WASF3: variants seen among roughly 807,000 people sequenced by gnomAD.
WASF3 encodes the protein WASP family member 3.
In WASF3, 11 loss-of-function variants were observed where a neutral mutation model predicts 46.6. The ratio of observed to expected loss-of-function variants is 0.24; its 90% CI spans 0.15 to 0.39. The LOEUF (loss-of-function observed/expected upper bound fraction) is 0.39, where lower values mean the gene tolerates loss of function less well. Ranked by LOEUF, WASF3 falls within the 10% of genes least tolerant of loss-of-function variation. The pLI is 1.00. For missense variants in WASF3, 576 were observed against 669.8 expected, an observed-to-expected ratio of 0.86 and a Z score of 1.55; for synonymous variants, 242 against 259.7, an observed-to-expected ratio of 0.93 and a Z score of 0.65.
At chr13:26,597,890 A>G (rs1255498430) in intron 1 of WASF3, among the ~76,000 whole-genome samples, 1 of 152,096 alleles carries the variant, frequency 6.6e-6, no homozygotes, top group Non-Finnish European at 1.5e-5. Flanking sequence ...CCTGGTTCCA[A>G]GTCTTTGCTA....
chr13:26,576,933 AG>A, intron 1 of WASF3: 1 of 771,854 alleles, frequency 1.3e-6, no homozygotes, highest in Non-Finnish European at 2.2e-6. Context: ...GCAAAAAGGG[AG>A]CCAAGAAGAA....
upstream of WASF3, among the ~76,000 whole-genome samples, chr13:26,553,073 T>C (rs976097522): frequency 6.6e-6 from 1 of 152,156 alleles, no homozygotes; most frequent in Non-Finnish European, 1.5e-5. Flanking sequence ...CATATTCTTA[T>C]TAGGAATATG....
chr13:26,676,465 C>A, intron 6 of WASF3, 84 bp from the exon 7 acceptor site: 1 of 1,451,956 alleles, frequency 6.9e-7, no homozygotes, highest in Admixed American at 2.0e-5. Flanking sequence ...CAGGCATGGG[C>A]CTTGTGCATT....
chr13:26,645,358 C>T (rs1250857380), intron 3 of WASF3, among the ~76,000 whole-genome samples: 1 of 152,136 alleles, frequency 6.6e-6, no homozygotes, highest in Admixed American at 6.5e-5. Context: ...TTCCCAGCCT[C>T]CAGAACTGTG....
chr13:26,623,480 C>G (rs774224292), intron 2 of WASF3, among the ~76,000 whole-genome samples: 4 of 152,180 alleles, frequency 2.6e-5, no homozygotes, highest in Non-Finnish European at 5.9e-5. Context: ...GCAAGATCCT[C>G]TGCTTCTGGG....
At chr13:26,625,703 C>T (rs1237415830) in intron 2 of WASF3, among the ~76,000 whole-genome samples, 2 of 152,140 alleles carry the variant, frequency 1.3e-5, no homozygotes, top group Non-Finnish European at 2.9e-5. Context: ...CACAGACTCA[C>T]CCAGAGATAA....
chr13:26,591,611 T>C (rs527805716), intron 1 of WASF3, among the ~76,000 whole-genome samples: 128 of 152,214 alleles, frequency 8.4e-4, no homozygotes, highest in African/African-American at 3.0e-3. Flanking sequence ...GAGTTCAATT[T>C]TGGGCATGTT....
At chr13:26,586,973 C>G (rs111827019) in intron 1 of WASF3, among the ~76,000 whole-genome samples, 1 of 151,452 alleles carries the variant, frequency 6.6e-6, no homozygotes, top group South Asian at 2.1e-4. Flanking sequence ...TGTGGTGGCA[C>G]ACACCTGTAG....
At chr13:26,618,759 GA>G (rs1881217737) in intron 2 of WASF3, 1 of 152,200 alleles carries the variant, frequency 6.6e-6, no homozygotes, top group Admixed American at 6.5e-5. Context: ...ATAAGAGATG[GA>G]AATGCTAGGG....
At position 26,676,641 on chromosome 13, in the gene WASF3, C is replaced by T. The variant is rs1317378186; in HGVS notation, c.633C>T (p.Asp211=). The T allele has an allele frequency of 3.7e-6, 6 of 1,614,026 alleles. No individual in the cohort carries two copies. Among genetic ancestry groups the T allele is most frequent in the Non-Finnish European group, 5.1e-6 (6 of 1,180,036 alleles). ...RRQEWNMMAY[D]KELRPDNRLS... is the part of the protein sequence containing the mutation. The stretch of plus-strand genomic sequence containing the variant: ...AGGAGTGGAATATGATGGCATATGA[C>T]AAAGAGCTTAGACCCGACAACAGGT... The change falls in exon 7 of 10, where the codon GAC becomes GAT. Residue 211 remains aspartate, a synonymous_variant. Coordinates refer to ENST00000335327, the MANE Select transcript of WASF3 (RefSeq NM_006646.6).
chr13:26,663,246 G>A (rs1349627818), intron 3 of WASF3, among the ~76,000 whole-genome samples: 1 of 152,198 alleles, frequency 6.6e-6, no homozygotes, highest in Non-Finnish European at 1.5e-5. Context: ...ATTTCAGCTT[G>A]TACAGGATTT....
chr13:26,631,989 A>T (rs918307349), intron 2 of WASF3, among the ~76,000 whole-genome samples: 2 of 152,198 alleles, frequency 1.3e-5, no homozygotes, highest in African/African-American at 4.8e-5. Context: ...TTATTGGTGT[A>T]TAGGAATGCT....
chr13:26,684,262 T>C (rs1166338877), intron 9 of WASF3, among the ~76,000 whole-genome samples: 1 of 151,888 alleles, frequency 6.6e-6, no homozygotes, highest in African/African-American at 2.4e-5. Context: ...TGTAGGACGG[T>C]GTTGGATTTG....
In WASF3 at chr13:26,688,903, A is replaced by C. The variant is rs1370895279; in HGVS notation, c.*3058A>C. The C allele has an allele frequency of 6.6e-6, 1 of 152,224 alleles. No individual in the cohort carries two copies. The highest frequency in any genetic ancestry group is 1.5e-5 in the Non-Finnish European group (1 of 68,040). The allele number at this position is 152,224 out of a possible 1,614,324, so 9.4% of individuals were successfully genotyped here. On this transcript the variant is annotated 3_prime_UTR_variant, in exon 10 of 10. Transcript: ENST00000335327. ...TATAGATTATGTACAAGTAACATCT[A>C]AATAAAATTACACTTTTAACCCTAA... is the stretch of plus-strand genomic sequence containing the variant.
chr13:26,553,296 G>C (rs996522733), upstream of WASF3, among the ~76,000 whole-genome samples: 1 of 152,066 alleles, frequency 6.6e-6, no homozygotes, highest in East Asian at 1.9e-4. Flanking sequence ...TACCAGCATC[G>C]TATACCAGGT....
chr13:26,633,925 T>C (rs1430837979), intron 2 of WASF3, among the ~76,000 whole-genome samples: 4 of 152,228 alleles, frequency 2.6e-5, no homozygotes, highest in African/African-American at 9.6e-5. Context: ...TGGTCACTTT[T>C]AGAATAAGTG....
Position 26,685,815 on chromosome 13 carries a change from A to C in WASF3, c.1479A>C (p.Ser493=). 1.2e-6 allele frequency: 2 copies of C among 1,613,996 alleles called. No individual in the cohort carries two copies. Among genetic ancestry groups the C allele is most frequent in the Non-Finnish European group, 1.7e-6 (2 of 1,179,830 alleles). Residue 493 remains serine, a synonymous_variant, in exon 10 of 10, where the codon TCA becomes TCC. Coordinates refer to ENST00000335327, the MANE Select transcript of WASF3 (RefSeq NM_006646.6). ...AGTACAGCGACTCTGACGACGACTC[A>C]GAGTTCGACGAGAACGACTGGTCCG... ...AVEYSDSDDD[S]EFDENDWSD
At chr13:26,557,171 T>A (rs559231049), upstream of WASF3, among the ~76,000 whole-genome samples, 1 of 152,124 alleles carries the variant, frequency 6.6e-6, no homozygotes, top group East Asian at 1.9e-4. Flanking sequence ...TTGAAGGAGA[T>A]GGGAAGATTT....
intron 2 of WASF3, among the ~76,000 whole-genome samples, chr13:26,641,775 A>G (rs1393482664): frequency 6.6e-6 from 1 of 152,152 alleles, no homozygotes; most frequent in Admixed American, 6.5e-5. Flanking sequence ...TGAGAAAGCA[A>G]TTCAGATAAG....
Sources: gnomAD v4.1 joint callset for allele counts (sites outside exome capture counted in the v4.1 genomes callset) on GRCh38, gnomAD v4.1.1 for gene constraint, MANE v1.5 for transcripts, NCBI Gene and HGNC (gene_info 2026-07-23, HGNC 2026-07-21) for gene names.